GPHN: variants seen among roughly 807,000 people sequenced by gnomAD.
GPHN encodes gephyrin.
Under a neutral mutation model 95.5 loss-of-function variants are expected in GPHN, and 17 were observed. That is an observed-to-expected ratio of 0.18 (90% CI 0.12 to 0.27). The LOEUF (loss-of-function observed/expected upper bound fraction) is 0.27. Among genes scored for constraint, GPHN ranks in the 10% least tolerant of loss-of-function variants. The probability of loss-of-function intolerance (pLI) is 1.00; values close to 1 mark genes in which losing one functional copy is unlikely to be tolerated. For synonymous variants in GPHN, 320 were observed against 322.5 expected, an observed-to-expected ratio of 0.99 and a Z score of 0.08; for missense variants, 660 against 978.1, an observed-to-expected ratio of 0.67 and a Z score of 4.34.
the GPHN span, chr14:67,374,573 G>T: frequency 6.9e-7 from 1 of 1,454,040 alleles, no homozygotes; most frequent in South Asian, 1.2e-5. Flanking sequence ...AGTCAAATTA[G>T]TCCACTATCT....
chr14:66,641,643 C>G (rs778368551), intron 1 of GPHN, among the ~76,000 whole-genome samples: 1 of 139,110 alleles, frequency 7.2e-6, no homozygotes, highest in African/African-American at 2.8e-5. Context: ...GCTGATAGAA[C>G]AAGTAGATGA....
intron 3 of GPHN, among the ~76,000 whole-genome samples, chr14:66,805,418 C>A (rs2060507350): frequency 6.6e-6 from 1 of 152,140 alleles, no homozygotes; most frequent in Admixed American, 6.5e-5. Flanking sequence ...ATTTCATACC[C>A]AATCATGCCT....
intron 9 of GPHN, among the ~76,000 whole-genome samples, chr14:66,968,829 TTAAAA>T (rs1017280072): frequency 2.0e-5 from 3 of 152,172 alleles, no homozygotes; most frequent in Non-Finnish European, 4.4e-5. Flanking sequence ...CAACTAAAAA[TTAAAA>T]TAAAGCATAA....
At chr14:67,569,287 G>A in the GPHN span, 1 of 1,105,500 alleles carries the variant, frequency 9.0e-7, no homozygotes, top group Non-Finnish European at 1.4e-6. Context: ...GGGAGGAGAA[G>A]ACTCCAAGCA....
chr14:66,950,172 C>T (rs915977129), intron 8 of GPHN, among the ~76,000 whole-genome samples: 1 of 152,020 alleles, frequency 6.6e-6, no homozygotes, highest in South Asian at 2.1e-4. Flanking sequence ...AAATTGTTTC[C>T]TCCATGCTAT....
the GPHN span, among the ~76,000 whole-genome samples, chr14:67,341,134 C>T: frequency 1.3e-5 from 2 of 152,082 alleles, no homozygotes; most frequent in African/African-American, 4.8e-5. Context: ...CCTGGCCGCC[C>T]ATCGTCTGGG....
At chr14:67,420,581 G>A in the GPHN span, among the ~76,000 whole-genome samples, 1 of 152,138 alleles carries the variant, frequency 6.6e-6, no homozygotes, top group Non-Finnish European at 1.5e-5. Flanking sequence ...TAAATCTCAG[G>A]ACAGCCCATA....
the GPHN span, among the ~76,000 whole-genome samples, chr14:67,191,671 GATC>G: frequency 6.6e-6 from 1 of 152,282 alleles, no homozygotes; most frequent in East Asian, 1.9e-4. Context: ...ATGGAGCCTT[GATC>G]ATCCTTGAAA....
At chr14:67,357,282 T>A in the GPHN span, among the ~76,000 whole-genome samples, 1 of 152,264 alleles carries the variant, frequency 6.6e-6, no homozygotes, top group Non-Finnish European at 1.5e-5. Flanking sequence ...CTTTTAAAAC[T>A]TGCTCCTTTA....
the GPHN span, among the ~76,000 whole-genome samples, chr14:67,625,157 T>TA: frequency 2.7e-3 from 386 of 143,660 alleles, 2 homozygotes; most frequent in South Asian, 0.014. Context: ...ATATCCACAT[T>TA]AAAAAAAAAA....
chr14:67,697,461 G>A, the GPHN span, among the ~76,000 whole-genome samples: 1 of 152,228 alleles, frequency 6.6e-6, no homozygotes, highest in Admixed American at 6.5e-5. Flanking sequence ...AGGGAGAAGG[G>A]AGAGTGCCAG....
chr14:67,174,451 G>A (rs1023240721), intron 21 of GPHN, among the ~76,000 whole-genome samples: 3 of 152,132 alleles, frequency 2.0e-5, no homozygotes, highest in Admixed American at 6.5e-5. Flanking sequence ...TGGTGTATAT[G>A]TGCCACATTT....
chr14:66,889,235 A>G (rs2064349450), intron 5 of GPHN, among the ~76,000 whole-genome samples: 1 of 152,138 alleles, frequency 6.6e-6, no homozygotes, highest in South Asian at 2.1e-4. Context: ...AAACAACACA[A>G]TAAACCAACT....
At chr14:67,341,766 A>G in the GPHN span, among the ~76,000 whole-genome samples, 1 of 152,246 alleles carries the variant, frequency 6.6e-6, no homozygotes. Flanking sequence ...GGGAAAAGAT[A>G]GAGAAATCGG....
At chr14:66,518,606 T>C (rs1211084720) in intron 1 of GPHN, among the ~76,000 whole-genome samples, 2 of 152,074 alleles carry the variant, frequency 1.3e-5, no homozygotes, top group East Asian at 3.8e-4. Context: ...AGCAGATTAA[T>C]GGGCAAAGAA....
chr14:67,209,396 G>C, the GPHN span, among the ~76,000 whole-genome samples: 1 of 152,194 alleles, frequency 6.6e-6, no homozygotes, highest in Non-Finnish European at 1.5e-5. Flanking sequence ...GCAGAGACCT[G>C]AGCAAGTGTG....
chr14:67,417,601 A>T, the GPHN span, among the ~76,000 whole-genome samples: 4 of 148,034 alleles, frequency 2.7e-5, no homozygotes, highest in Admixed American at 2.7e-4. Flanking sequence ...TTGGTTAATT[A>T]AAAAAAATTT....
At chr14:66,677,079 T>G (rs2066644831) in intron 1 of GPHN, among the ~76,000 whole-genome samples, 1 of 152,076 alleles carries the variant, frequency 6.6e-6, no homozygotes, top group Non-Finnish European at 1.5e-5. Context: ...AGTGTGCAGT[T>G]GTTCATAATA....
At chr14:66,970,421 A>G (rs753816582) in intron 9 of GPHN, among the ~76,000 whole-genome samples, 1 of 152,178 alleles carries the variant, frequency 6.6e-6, no homozygotes, top group Non-Finnish European at 1.5e-5. Context: ...TGCTGATTCT[A>G]TATCAGCATA....
Sources: gnomAD v4.1 joint callset for allele counts (sites outside exome capture counted in the v4.1 genomes callset) on GRCh38, gnomAD v4.1.1 for gene constraint, MANE v1.5 for transcripts, NCBI Gene and HGNC (gene_info 2026-07-23, HGNC 2026-07-21) for gene names.